The following CHST8 variants were observed in gnomAD, a reference collection of about 807,000 sequenced individuals.
CHST8 encodes the protein carbohydrate sulfotransferase 8, also known as GALNAC-4-ST1.
In CHST8, 10 loss-of-function variants were observed where a neutral mutation model predicts 15.0. That is an observed-to-expected ratio of 0.67 (90% confidence interval 0.41 to 1.13). The LOEUF (loss-of-function observed/expected upper bound fraction) is 1.13, where lower values mean the gene tolerates loss of function less well. CHST8 is among the 50% of genes most tolerant of loss of function. The probability of loss-of-function intolerance (pLI) is 0.00; values close to 1 mark genes in which losing one functional copy is unlikely to be tolerated. For synonymous variants in CHST8, 259 were observed against 256.6 expected (o/e 1.01, Z -0.09); for missense variants, 634 against 608.2 (o/e 1.04, Z -0.45).
intron 3 of CHST8, among the ~76,000 whole-genome samples, chr19:33,719,685 AG>A (rs1204764726): frequency 6.6e-6 from 1 of 151,610 alleles, no homozygotes; most frequent in Non-Finnish European, 1.5e-5. Context: ...GTCTGGGTCC[AG>A]GGAGCTTCAC....
intron 1 of CHST8, among the ~76,000 whole-genome samples, chr19:33,662,017 C>T (rs569044367): frequency 1.3e-5 from 2 of 152,108 alleles, no homozygotes; most frequent in South Asian, 2.1e-4. Flanking sequence ...GCCTGGACAA[C>T]AGAGTGAGAC....
chr19:33,694,314 T>C (rs1973166498), intron 3 of CHST8, among the ~76,000 whole-genome samples: 1 of 150,294 alleles, frequency 6.7e-6, no homozygotes, highest in Non-Finnish European at 1.5e-5. Context: ...TAAGTGGGGC[T>C]ACCCCATGTT....
chr19:33,705,244 C>T (rs372469126), intron 3 of CHST8, among the ~76,000 whole-genome samples: 8 of 152,164 alleles, frequency 5.3e-5, no homozygotes, highest in South Asian at 4.1e-4. Context: ...AGACCCCAAG[C>T]GGTCCATGAG....
At chr19:33,665,884 A>G (rs1972651449) in intron 1 of CHST8, among the ~76,000 whole-genome samples, 1 of 152,242 alleles carries the variant, frequency 6.6e-6, no homozygotes, top group African/African-American at 2.4e-5. Flanking sequence ...CTGGGCAGGC[A>G]GCAGACAAGG....
intron 3 of CHST8, among the ~76,000 whole-genome samples, chr19:33,736,904 G>C (rs1974096360): frequency 6.6e-6 from 1 of 152,132 alleles, no homozygotes; most frequent in Admixed American, 6.5e-5. Flanking sequence ...GGATGCAGTA[G>C]AGAAGCTGGC....
chr19:33,745,478 G>A (rs2145347645), intron 3 of CHST8, among the ~76,000 whole-genome samples: 1 of 152,362 alleles, frequency 6.6e-6, no homozygotes, highest in Non-Finnish European at 1.5e-5. Flanking sequence ...CTGGCTGGTT[G>A]GCAGGTGATT....
intron 1 of CHST8, among the ~76,000 whole-genome samples, chr19:33,638,162 T>C (rs1177425866): frequency 6.6e-6 from 1 of 152,158 alleles, no homozygotes; most frequent in East Asian, 1.9e-4. Context: ...CGGAAAGTGT[T>C]TAACAATAAA....
In CHST8 at chr19:33,703,092, G is replaced by A. The variant is rs187120396; in HGVS notation, c.130+13701G>A. Among the ~76,000 whole-genome samples the A allele has an allele frequency of 5.9e-5, 9 of 152,332 alleles. No individual in the cohort carries two copies. In the East Asian group the frequency reaches 9.7e-4, roughly 16 times the overall value. Reference sequence around the variant, plus strand: ...TCCCGCACAGCCCAGGGCAGCTGCCGTGGAGAGGTGGAGGGCAGGGGAGAC... The same window carrying A: ...TCCCGCACAGCCCAGGGCAGCTGCCATGGAGAGGTGGAGGGCAGGGGAGAC... On this transcript the variant is annotated intron_variant, in intron 3 of 4. Transcript: ENST00000650847.
chr19:33,718,503 C>T (rs572015024), intron 3 of CHST8, among the ~76,000 whole-genome samples: 7 of 152,226 alleles, frequency 4.6e-5, no homozygotes, highest in Non-Finnish European at 1.0e-4. Context: ...CCTCTGCAGG[C>T]TCAGCTAGCA....
chr19:33,637,504 G>A (rs771848194), intron 1 of CHST8, among the ~76,000 whole-genome samples: 1 of 150,756 alleles, frequency 6.6e-6, no homozygotes, highest in Non-Finnish European at 1.5e-5. Context: ...CTGGGTTCAC[G>A]CCATTCTCCT....
intron 3 of CHST8, among the ~76,000 whole-genome samples, chr19:33,713,813 G>T (rs550480955): frequency 1.3e-5 from 2 of 152,242 alleles, no homozygotes; most frequent in South Asian, 4.2e-4. Flanking sequence ...ACCCGCCTTG[G>T]CCTCCTAGTG....
intron 1 of CHST8, among the ~76,000 whole-genome samples, chr19:33,646,729 C>T (rs1179602161): frequency 6.6e-6 from 1 of 152,176 alleles, no homozygotes; most frequent in Non-Finnish European, 1.5e-5. Flanking sequence ...GCCTGGCCAA[C>T]ATGGTGAACT....
chr19:33,773,179 G>A lies in CHST8; in HGVS notation c.*116G>A. 8.0e-7 allele frequency: 1 copy of A among 1,248,012 alleles called. No homozygotes were observed. Among genetic ancestry groups the A allele is most frequent in the Non-Finnish European group, 1.1e-6 (1 of 926,928 alleles). 77.3% of individuals were successfully genotyped at this position (1,248,012 alleles called of 1,614,324 possible). A position where few individuals can be genotyped will look rare whatever the true frequency, so the allele number is the denominator to read the frequency against. On this transcript the variant is annotated 3_prime_UTR_variant, in exon 5 of 5. Coordinates refer to ENST00000650847, the MANE Select transcript of CHST8 (RefSeq NM_001127895.2). ...CAACAGGGCTCTGAGGACGTGAGGA[G>A]CCATCGCTGTGGGAGGCAGCAGGCC...
intron 3 of CHST8, among the ~76,000 whole-genome samples, chr19:33,721,413 G>A (rs1477748638): frequency 6.6e-6 from 1 of 152,174 alleles, no homozygotes; most frequent in Non-Finnish European, 1.5e-5. Context: ...GGTGTGCAGG[G>A]CCTAACACTG....
intron 2 of CHST8, among the ~76,000 whole-genome samples, chr19:33,670,688 A>G (rs1972725790): frequency 6.6e-6 from 1 of 152,128 alleles, no homozygotes; most frequent in South Asian, 2.1e-4. Context: ...AAAGACCTCC[A>G]TTAGAAGCTT....
intron 1 of CHST8, among the ~76,000 whole-genome samples, chr19:33,641,176 A>G (rs1481996375): frequency 6.6e-6 from 1 of 152,054 alleles, no homozygotes; most frequent in African/African-American, 2.4e-5. Context: ...GCCCTTCCCT[A>G]CAAACCTGTC....
At chr19:33,635,581 G>A (rs968445566) in intron 1 of CHST8, among the ~76,000 whole-genome samples, 1 of 152,096 alleles carries the variant, frequency 6.6e-6, no homozygotes, top group African/African-American at 2.4e-5. Flanking sequence ...ACAGAGGAGG[G>A]AGGCCCAGGC....
Position 33,670,892 on chromosome 19 carries a change from A to G in CHST8, c.-87+3049A>G, listed in dbSNP as rs547783183. 2.9e-4 allele frequency among the ~76,000 whole-genome samples: 44 copies of G among 152,276 alleles called. No homozygotes were observed. In the East Asian group the frequency reaches 3.1e-3, roughly 11 times the overall value. ...CTCGTAATAATCTTGCAAGGTAGCC[A>G]CAAGAGATTATTACTCCCATTTTGC... On this transcript the variant is annotated intron_variant, in intron 2 of 4. Transcript: ENST00000650847.
chr19:33,688,713 A>G (rs1028605875), intron 2 of CHST8, among the ~76,000 whole-genome samples: 1 of 152,132 alleles, frequency 6.6e-6, no homozygotes, highest in Non-Finnish European at 1.5e-5. Context: ...AGTGCCCTAC[A>G]GAGAGAAGCA....
Sources: allele counts gnomAD v4.1 joint callset (sites outside exome capture counted in the v4.1 genomes callset), GRCh38; gene constraint gnomAD v4.1.1; transcripts MANE v1.5; gene names NCBI Gene and HGNC (gene_info 2026-07-23, HGNC 2026-07-21).